ZFYVE16: variants seen among roughly 807,000 people sequenced by gnomAD.
ZFYVE16 encodes zinc finger FYVE domain-containing protein 16.
Under a neutral mutation model 138.1 loss-of-function variants are expected in ZFYVE16, and 89 were observed. The observed-to-expected ratio is 0.64, with a 90% CI of 0.54 to 0.77. The LOEUF is 0.77. ZFYVE16 is among the 30% of genes least tolerant of loss of function. The probability of loss-of-function intolerance (pLI) is 0.00; values close to 1 mark genes in which losing one functional copy is unlikely to be tolerated. For synonymous variants in ZFYVE16, 596 were observed against 618.3 expected, an observed-to-expected ratio of 0.96 and a Z score of 0.53; for missense variants, 1,793 against 1,786.7, an observed-to-expected ratio of 1.00 and a Z score of -0.06.
Position 80,440,528 on chromosome 5 carries a change from A to G in ZFYVE16, c.2419+496A>G, listed in dbSNP as rs868067490. 6.1e-6 allele frequency: 6 copies of G among 985,086 alleles called. No individual in the cohort carries two copies. The South Asian group carries it at 2.8e-4, about 46-fold the overall frequency. The allele number at this position is 985,086 out of a possible 1,614,324, so 61.0% of individuals were successfully genotyped here. On this transcript the variant is annotated intron_variant, in intron 5 of 18. Transcript: ENST00000505560. ...CATAGGACTGCCACACTATTTGCAC[A>G]TTTTTGTCTCATGTTTTTTTCTTTT...
intron 3 of ZFYVE16, chr5:80,435,714 G>A: frequency 2.3e-6 from 1 of 436,812 alleles, no homozygotes; most frequent in Non-Finnish European, 4.6e-6. Context: ...GACCACAAGT[G>A]TGCGCCAGCA....
chr5:80,444,286 A>G (rs1293879964), intron 6 of ZFYVE16, among the ~76,000 whole-genome samples: 2 of 152,140 alleles, frequency 1.3e-5, no homozygotes, highest in African/African-American at 2.4e-5. Flanking sequence ...AAATATGTAT[A>G]TATTCTATTG....
rs529685917 is a variant in ZFYVE16, at chr5:80,449,462, A to G, written c.3104-129A>G. The G allele has an allele frequency of 1.4e-4, 129 of 948,434 alleles. No homozygotes were observed. In the African/African-American group the frequency reaches 2.1e-3, roughly 15 times the overall value. 58.8% of individuals were successfully genotyped at this position (948,434 alleles called of 1,614,324 possible). ...AACAGTTGTCTGGGGTGTTGATTTT[A>G]TGAAACATGTTTGCTTCTGTTTTTA... On this transcript the variant is annotated intron_variant, in intron 8 of 18. Transcript: ENST00000505560.
chr5:80,427,996 A>AAAAAAAAAAAAC (rs1748379384), intron 2 of ZFYVE16, among the ~76,000 whole-genome samples: 1 of 150,724 alleles, frequency 6.6e-6, no homozygotes. Flanking sequence ...AAAAAAAAAA[A>AAAAAAAAAAAAC]GATGCGGTTC....
chr5:80,416,898 A>T (rs954356113), intron 1 of ZFYVE16, among the ~76,000 whole-genome samples: 25 of 152,110 alleles, frequency 1.6e-4, no homozygotes, highest in African/African-American at 5.8e-4. Flanking sequence ...AAACACAAGG[A>T]GATATGTTAG....
chr5:80,474,604 T>C (rs1754707039), intron 17 of ZFYVE16, 59 bp from the exon 18 acceptor site: 6 of 1,480,010 alleles, frequency 4.1e-6, no homozygotes, highest in Admixed American at 2.0e-5. Flanking sequence ...AAAGCAGCAA[T>C]TGTTGCATTT....
chr5:80,414,780 A>G (rs1020158351), intron 1 of ZFYVE16, among the ~76,000 whole-genome samples: 1 of 152,238 alleles, frequency 6.6e-6, no homozygotes, highest in African/African-American at 2.4e-5. Context: ...GAGTTTGTAA[A>G]GTAAATAACT....
At chr5:80,451,168 A>G (rs192732756) in intron 10 of ZFYVE16, among the ~76,000 whole-genome samples, 15 of 152,272 alleles carry the variant, frequency 9.9e-5, no homozygotes, top group Admixed American at 9.8e-4. Context: ...GTACAAGACT[A>G]GGAGATTTGA....
intron 8 of ZFYVE16, among the ~76,000 whole-genome samples, chr5:80,448,889 G>A (rs1751682185): frequency 6.6e-6 from 1 of 151,990 alleles, no homozygotes; most frequent in Admixed American, 6.6e-5. Context: ...TTTCAAGCAG[G>A]AGATTCTATG....
chr5:80,450,718 TTAA>T (rs767235419), intron 10 of ZFYVE16, 132 bp downstream of exon 10: 6 of 884,816 alleles, frequency 6.8e-6, no homozygotes, highest in Non-Finnish European at 9.8e-6. Context: ...TGAAAATAGC[TTAA>T]TAATTATTTT....
In ZFYVE16 at chr5:80,437,297, C is replaced by A. The variant is rs929399136; in HGVS notation, c.612C>A (p.Ile204=). ...TACAAAATAGAGAAATCGGAGGAAT[C>A]AAAGAATTGGGTATAAAAGTAGATA... ...SELQNREIGG[I]KELGIKVDTT... is the part of the protein sequence containing the mutation. Residue 204 remains isoleucine, a synonymous_variant, in exon 4 of 19, where the codon ATC becomes ATA. Coordinates refer to ENST00000505560, the MANE Select transcript of ZFYVE16 (RefSeq NM_001284236.3). 3 of 1,607,360 alleles carry A rather than the reference C, an allele frequency of 1.9e-6. No individual in the cohort carries two copies. Among genetic ancestry groups the A allele is most frequent in the Non-Finnish European group, 2.5e-6 (3 of 1,176,644 alleles).
chr5:80,435,681 A>G (rs1448840280), intron 3 of ZFYVE16: 1 of 407,940 alleles, frequency 2.5e-6, no homozygotes, highest in Non-Finnish European at 4.9e-6. Context: ...CAATCCTCTC[A>G]CCTCAGCCTT....
chr5:80,449,910 A>G (rs76565145), intron 9 of ZFYVE16, among the ~76,000 whole-genome samples, 197 bp downstream of exon 9: 71 of 152,240 alleles, frequency 4.7e-4, no homozygotes, highest in Non-Finnish European at 7.9e-4. Context: ...ACAGATTTTT[A>G]TTAGCATCCC....
At chr5:80,414,510 A>G (rs951928225) in intron 1 of ZFYVE16, among the ~76,000 whole-genome samples, 1 of 152,150 alleles carries the variant, frequency 6.6e-6, no homozygotes, top group East Asian at 1.9e-4. Flanking sequence ...GGGTTCTTGC[A>G]TGGTCAACCA....
In ZFYVE16 at chr5:80,431,093, C is replaced by T. The variant is rs972709850; in HGVS notation, c.-39-3016C>T. On this transcript the variant is annotated intron_variant, in intron 2 of 18. Transcript: ENST00000505560. ...ATCCTCCCTAACTCATTTTATGAGGCCAGCATCATCCTGATACCAAAGCCT... is the reference window on the plus strand; with the variant it reads ...ATCCTCCCTAACTCATTTTATGAGGTCAGCATCATCCTGATACCAAAGCCT... Among the ~76,000 whole-genome samples, 17 of 152,274 alleles carry T rather than the reference C, an allele frequency of 1.1e-4. 1 individual carries two copies. The highest frequency in any genetic ancestry group is 3.8e-4 in the African/African-American group (16 of 41,560).
chr5:80,435,773 C>A, intron 3 of ZFYVE16: 1 of 431,840 alleles, frequency 2.3e-6, no homozygotes, highest in Non-Finnish European at 4.6e-6. Context: ...TGGGGTCTCA[C>A]TGTGTTGCTC....
At chr5:80,432,564 A>G (rs1399196322) in intron 2 of ZFYVE16, among the ~76,000 whole-genome samples, 1 of 152,268 alleles carries the variant, frequency 6.6e-6, no homozygotes, top group Non-Finnish European at 1.5e-5. Context: ...AGCAATGGCA[A>G]CAAAAGCCAA....
At chr5:80,411,981 C>T (rs1028073144) in intron 1 of ZFYVE16, among the ~76,000 whole-genome samples, 3 of 152,126 alleles carry the variant, frequency 2.0e-5, no homozygotes, top group African/African-American at 7.2e-5. Flanking sequence ...TTATTTGAGA[C>T]AGGATCTCAC....
rs554837332 is a variant in ZFYVE16 at position 80,467,049 on chromosome 5, G to A, written c.4025-5712G>A. Among the ~76,000 whole-genome samples the A allele has an allele frequency of 3.7e-4, 56 of 152,258 alleles. No homozygotes were observed. The South Asian group carries it at 4.8e-3, about 13-fold the overall frequency. On this transcript the variant is annotated intron_variant, in intron 15 of 18. Transcript: ENST00000505560. ...CAGTTGTCATTATTTGACTTCTCAG[G>A]TGGTTCCCTGGAAGACCCTACTTAC...
Sources: gnomAD v4.1 joint callset for allele counts (sites outside exome capture counted in the v4.1 genomes callset) on GRCh38, gnomAD v4.1.1 for gene constraint, MANE v1.5 for transcripts, NCBI Gene and HGNC (gene_info 2026-07-23, HGNC 2026-07-21) for gene names.